C16orf96: variants seen among roughly 807,000 people sequenced by gnomAD.
C16orf96 encodes the protein uncharacterized protein C16orf96.
In C16orf96, 108 loss-of-function variants were observed where a neutral mutation model predicts 103.6. That is an observed-to-expected ratio of 1.04 (90% CI 0.89 to 1.22). C16orf96 has a LOEUF of 1.22. Among genes scored for constraint, C16orf96 ranks in the 50% most tolerant of loss-of-function variants. The probability of loss-of-function intolerance (pLI) is 0.00; values close to 1 mark genes in which losing one functional copy is unlikely to be tolerated. For missense variants in C16orf96, 1,586 were observed against 1,464.2 expected, an observed-to-expected ratio of 1.08 and a Z score of -1.36; for synonymous variants, 566 against 593.5, an observed-to-expected ratio of 0.95 and a Z score of 0.67.
At chr16:4,569,798 CAGACTT>C (rs1480885264) in intron 1 of C16orf96, among the ~76,000 whole-genome samples, 1 of 151,974 alleles carries the variant, frequency 6.6e-6, no homozygotes, top group African/African-American at 2.4e-5. Flanking sequence ...AGTTAAGAAA[CAGACTT>C]AGAGACCAAA....
At chr16:4,558,913 CAAAA>C (rs771691344) in intron 1 of C16orf96, among the ~76,000 whole-genome samples, 2 of 51,386 alleles carry the variant, frequency 3.9e-5, no homozygotes, top group East Asian at 7.8e-4. Flanking sequence ...GACTCTGTCT[CAAAA>C]AAAAAAAAAA....
At position 4,575,502 on chromosome 16, in the gene C16orf96, G is replaced by GGCTGGA. The variant is rs754812114; in HGVS notation, c.1031_1036dup (p.Leu344_Glu345dup). ...GAACCTGTGCCAGGACTGGAGCTGG[G>GGCTGGA]GCTGGAGCTGGAGCCTGTGCCTGCC... On this transcript the variant is annotated inframe_insertion, in exon 5 of 16. Coordinates refer to ENST00000444310, the MANE Select transcript of C16orf96 (RefSeq NM_001145011.2). 6.5e-7 allele frequency: 1 copy of GGCTGGA among 1,547,088 alleles called. No individual in the cohort carries two copies. The highest frequency in any genetic ancestry group is 1.2e-5 in the South Asian group (1 of 84,016).
At position 4,575,356 on chromosome 16, in the gene C16orf96, C is replaced by T. The variant is rs1360255776; in HGVS notation, c.876C>T (p.Gly292=). 9.7e-6 allele frequency: 15 copies of T among 1,551,096 alleles called. No homozygotes were observed. The highest frequency in any genetic ancestry group is 1.2e-5 in the Non-Finnish European group (14 of 1,147,002). Residue 292 remains glycine (G), a synonymous_variant, in exon 5 of 16, where the codon GGC becomes GGT. Transcript: ENST00000444310. ...HYEVPELLPE[G]SSAQAVSLSR... ...AGGTCCCAGAGCTCCTCCCGGAGGG[C>T]TCATCTGCCCAAGCAGTTTCACTCA...
chr16:4,561,360 G>C (rs890872907), intron 1 of C16orf96: 1 of 152,144 alleles, frequency 6.6e-6, no homozygotes, highest in Non-Finnish European at 1.5e-5. Flanking sequence ...GACCAGAGGA[G>C]AGTGGGATCT....
chr16:4,542,880 T>C, the C16orf96 span, among the ~76,000 whole-genome samples: 1 of 152,160 alleles, frequency 6.6e-6, no homozygotes, highest in Non-Finnish European at 1.5e-5. Context: ...TTACAGGACA[T>C]CTCAATTTGG....
intron 9 of C16orf96, among the ~76,000 whole-genome samples, chr16:4,590,262 T>C (rs1897026352): frequency 6.6e-6 from 1 of 151,040 alleles, no homozygotes; most frequent in African/African-American, 2.4e-5. Flanking sequence ...ATCTCTACTT[T>C]AAAAAACTAT....
At chr16:4,568,018 G>C (rs895337835) in intron 1 of C16orf96, among the ~76,000 whole-genome samples, 9 of 151,802 alleles carry the variant, frequency 5.9e-5, no homozygotes, top group Non-Finnish European at 1.3e-4. Flanking sequence ...TTGTTTGTTT[G>C]TTTGTTTTAA....
At position 4,571,550 on chromosome 16, in the gene C16orf96, C is replaced by A; in HGVS notation, c.421-11C>A. ...ATACCCGGCTTCACATTTTCTCCTC[C>A]TCTTTTGCAGTCAATGCAGACCCTG... On this transcript the variant is annotated splice_polypyrimidine_tract_variant and intron_variant, in intron 1 of 15. Coordinates refer to ENST00000444310, the MANE Select transcript of C16orf96 (RefSeq NM_001145011.2). 6.4e-7 allele frequency: 1 copy of A among 1,550,516 alleles called. No individual in the cohort carries two copies. Among genetic ancestry groups the A allele is most frequent in the East Asian group, 2.4e-5 (1 of 40,876 alleles).
At chr16:4,538,822 T>A in the C16orf96 span, 2 of 152,068 alleles carry the variant, frequency 1.3e-5, no homozygotes, top group South Asian at 2.1e-4. Context: ...GCCCGGGACG[T>A]CACGGTGGGG....
chr16:4,590,818 A>C (rs1326448034), intron 9 of C16orf96, among the ~76,000 whole-genome samples: 3 of 150,702 alleles, frequency 2.0e-5, no homozygotes, highest in African/African-American at 7.3e-5. Context: ...CAGGAGTTTG[A>C]GACCAGCCTG....
At chr16:4,544,182 T>A in the C16orf96 span, among the ~76,000 whole-genome samples, 2 of 152,088 alleles carry the variant, frequency 1.3e-5, no homozygotes, top group Admixed American at 6.6e-5. Flanking sequence ...ATGTACTGGG[T>A]GAAAACTTGC....
chr16:4,538,752 G>A, the C16orf96 span: 1 of 152,230 alleles, frequency 6.6e-6, no homozygotes, highest in East Asian at 1.9e-4. Flanking sequence ...CGAACGCCTC[G>A]GCAGCTGGCA....
At position 4,594,526 on chromosome 16, in the gene C16orf96, G is replaced by C; in HGVS notation, c.3027+16G>C. 1 of 1,548,918 alleles carries C rather than the reference G, an allele frequency of 6.5e-7. No individual in the cohort carries two copies. The highest frequency in any genetic ancestry group is 8.7e-7 in the Non-Finnish European group (1 of 1,145,154). On this transcript the variant is annotated intron_variant, in intron 13 of 15. Transcript: ENST00000444310. Reference sequence around the variant, plus strand: ...CTATGACAGCGTGAGTCTGGCCGGGGCCTCCTTCTCAGAGGGTGGACGTCA... The same window carrying C: ...CTATGACAGCGTGAGTCTGGCCGGGCCCTCCTTCTCAGAGGGTGGACGTCA...
At position 4,592,331 on chromosome 16, in the gene C16orf96, T is replaced by C. The variant is rs977413658; in HGVS notation, c.2738T>C (p.Ile913Thr). The change falls in exon 11 of 16, where the codon ATC (isoleucine) becomes ACC (threonine). Residue 913 changes from isoleucine (I) to threonine (T), a missense_variant. Transcript: ENST00000444310. ...RRKLFKRVKC[I>T]SCDRPVEMMT... is the part of the protein sequence containing the mutation. Reference sequence around the variant, plus strand: ...AAGCTGTTCAAGCGCGTGAAGTGCATCTCCTGTGACCGGCCTGTGGAGATG... The same window carrying C: ...AAGCTGTTCAAGCGCGTGAAGTGCACCTCCTGTGACCGGCCTGTGGAGATG... 91 of 1,551,498 alleles carry C rather than the reference T, an allele frequency of 5.9e-5. No homozygotes were observed. Among genetic ancestry groups the C allele is most frequent in the Non-Finnish European group, 7.8e-5 (89 of 1,146,982 alleles).
rs146691525 is a variant in C16orf96, at chr16:4,573,609, G to A, written c.526-1100G>A. On this transcript the variant is annotated intron_variant, in intron 2 of 15. Transcript: ENST00000444310. ...CTACTAAAAATACAAAAAATTAGCT[G>A]GATGTGGTGGCAGGTACCTGTAGTC... is the stretch of plus-strand genomic sequence containing the variant. 1.5e-3 allele frequency among the ~76,000 whole-genome samples: 228 copies of A among 151,054 alleles called. 5 individuals carry two copies. In the East Asian group the frequency reaches 0.032, roughly 21 times the overall value.
chr16:4,558,051 C>A (rs1455822294), intron 1 of C16orf96, among the ~76,000 whole-genome samples: 1 of 152,204 alleles, frequency 6.6e-6, no homozygotes, highest in African/African-American at 2.4e-5. Context: ...GCACGCCCGG[C>A]CTAGCAGGGG....
chr16:4,594,994 G>A lies in C16orf96; in HGVS notation c.3127+191G>A, dbSNP rs147638794. 9.9e-4 allele frequency among the ~76,000 whole-genome samples: 150 copies of A among 152,262 alleles called. 1 individual carries two copies. Among genetic ancestry groups the A allele is most frequent in the Admixed American group, 1.7e-3 (26 of 15,306 alleles). On this transcript the variant is annotated intron_variant, in intron 14 of 15. Coordinates refer to ENST00000444310, the MANE Select transcript of C16orf96 (RefSeq NM_001145011.2). ...GTCTTTGCAATGGGGGAGGGAGACC[G>A]CGGGAGCGAGGATCTGCTGTTCCCG... is the stretch of plus-strand genomic sequence containing the variant.
In C16orf96 at chr16:4,575,720, C is replaced by T. The variant is rs1023068926; in HGVS notation, c.1240C>T (p.Arg414Trp). Residue 414 changes from arginine (R) to tryptophan (W), a missense_variant, in exon 5 of 16, where the codon CGG becomes TGG. Physicochemically the swap from Arg to Trp is moderately radical, Grantham distance 101. Transcript: ENST00000444310. ...SWPLWDLGVL[R>W]PTQPQPSRAP... ...GCCTCTGTGGGACTTAGGTGTCCTG[C>T]GGCCAACTCAGCCCCAACCCTCCAG... The T allele has an allele frequency of 5.9e-6, 9 of 1,532,798 alleles. No homozygotes were observed. Among genetic ancestry groups the T allele is most frequent in the East Asian group, 2.5e-5 (1 of 40,758 alleles). The allele number at this position is 1,532,798 out of a possible 1,614,324, so 94.9% of individuals were successfully genotyped here.
chr16:4,576,939 C>G (rs1243874369), intron 5 of C16orf96, among the ~76,000 whole-genome samples: 1 of 152,200 alleles, frequency 6.6e-6, no homozygotes, highest in African/African-American at 2.4e-5. Flanking sequence ...CACCTGTAAT[C>G]CCAGCACTTT....
Sources: allele counts gnomAD v4.1 joint callset (sites outside exome capture counted in the v4.1 genomes callset), GRCh38; gene constraint gnomAD v4.1.1; transcripts MANE v1.5; gene names NCBI Gene and HGNC (gene_info 2026-07-23, HGNC 2026-07-21).